The following GMPR2 variants were observed in gnomAD, a reference collection of about 807,000 sequenced individuals.
The protein encoded by GMPR2 is guanosine monophosphate reductase 2, also known as GMP reductase 2.
GMPR2 carries 32 observed loss-of-function variants against 38.5 expected under a neutral mutation model. The observed-to-expected ratio is 0.83, with a 90% CI of 0.63 to 1.12. The LOEUF is 1.12. Among genes scored for constraint, GMPR2 ranks in the 50% most tolerant of loss-of-function variants. The probability of loss-of-function intolerance (pLI) is 0.00; values close to 1 mark genes in which losing one functional copy is unlikely to be tolerated. For synonymous variants in GMPR2, 154 were observed against 151.0 expected (o/e 1.02, Z -0.15); for missense variants, 396 against 432.1 (o/e 0.92, Z 0.74).
intron 5 of GMPR2, 51 bp downstream of exon 5, chr14:24,236,191 C>G (rs368124308): frequency 1.5e-6 from 2 of 1,372,188 alleles, no homozygotes. Flanking sequence ...TTTCCTGCCA[C>G]TCCGTTTTGC....
chr14:24,237,494 T>C (rs2040404606), intron 7 of GMPR2, 26 bp from the exon 8 acceptor site: 6 of 1,612,148 alleles, frequency 3.7e-6, no homozygotes, highest in Non-Finnish European at 5.1e-6. Flanking sequence ...ATCCATGTTG[T>C]ATTCATAGTG....
chr14:24,238,178 C>T, intron 8 of GMPR2, 68 bp from the exon 9 acceptor site: 2 of 1,395,156 alleles, frequency 1.4e-6, no homozygotes, highest in Non-Finnish European at 2.0e-6. Flanking sequence ...GTGTGAGTTG[C>T]TTTTGAGGGT....
rs1036253608 is a variant in GMPR2 at position 24,233,270 on chromosome 14, A to G, written c.17A>G (p.Asn6Ser). Residue 6 changes from asparagine (N) to serine (S), a missense_variant, in exon 2 of 10, where the codon AAC (asparagine) becomes AGC (serine). Transcript: ENST00000399440. MPHID[N>S]DVKLDFKDVL... ...CTAAGCGCCATGCCTCATATTGACA[A>G]CGATGTGAAACTGGACTTCAAGGAT... The G allele has an allele frequency of 6.2e-7, 1 of 1,614,054 alleles. No individual in the cohort carries two copies. The highest frequency in any genetic ancestry group is 1.1e-5 in the South Asian group (1 of 91,066).
chr14:24,233,293 G>T lies in GMPR2; in HGVS notation c.40G>T (p.Asp14Tyr). The T allele has an allele frequency of 6.2e-7, 1 of 1,614,122 alleles. No homozygotes were observed. The part of the protein sequence containing the change: ...IDNDVKLDFK[D>Y]VLLRPKRSTL... ...CAACGATGTGAAACTGGACTTCAAG[G>T]ATGTCCTTTTGAGGCCCAAACGCAG... The change falls in exon 2 of 10, where the codon GAT (aspartate) becomes TAT (tyrosine). Residue 14 changes from aspartate to tyrosine, a missense_variant. Coordinates refer to ENST00000399440, the MANE Select transcript of GMPR2 (RefSeq NM_001002002.3).
intron 8 of GMPR2, 129 bp downstream of exon 8, chr14:24,237,691 C>T (rs145487932): frequency 2.1e-5 from 18 of 861,774 alleles, no homozygotes; most frequent in East Asian, 4.9e-5. Context: ...TTAGTGACTC[C>T]GAAGTCTATG....
In GMPR2 at chr14:24,233,209, T is replaced by C; in HGVS notation, c.-35-10T>C. On this transcript the variant is annotated splice_polypyrimidine_tract_variant and intron_variant, in intron 1 of 9. Coordinates refer to ENST00000399440, the MANE Select transcript of GMPR2 (RefSeq NM_001002002.3). ...GGGAAGATTGGTCCTTATGACTTCC[T>C]GCCTTCCAGCCCTCAGATTCATCGC... 3 of 1,613,292 alleles carry C rather than the reference T, an allele frequency of 1.9e-6. No homozygotes were observed. Among genetic ancestry groups the C allele is most frequent in the Non-Finnish European group, 2.5e-6 (3 of 1,180,014 alleles).
rs777290687 is a variant in GMPR2 at position 24,238,820 on chromosome 14, A to G, written c.*42A>G. 1.3e-6 allele frequency: 2 copies of G among 1,564,124 alleles called. No homozygotes were observed. The highest frequency in any genetic ancestry group is 1.7e-5 in the Admixed American group (1 of 59,772). ...CCTCCCAAGGCACCAGTACTCTACCATGGGGCATCCCAAGTGGGGTCCTCA... is the reference window on the plus strand; with the variant it reads ...CCTCCCAAGGCACCAGTACTCTACCGTGGGGCATCCCAAGTGGGGTCCTCA... On this transcript the variant is annotated 3_prime_UTR_variant, in exon 10 of 10. Transcript: ENST00000399440.
In GMPR2 at chr14:24,233,314, C is replaced by G. The variant is rs200373853; in HGVS notation, c.61C>G (p.Arg21Gly). 3 of 1,613,976 alleles carry G rather than the reference C, an allele frequency of 1.9e-6. No homozygotes were observed. The highest frequency in any genetic ancestry group is 2.5e-6 in the Non-Finnish European group (3 of 1,180,002). The change falls in exon 2 of 10, where the codon CGC (arginine) becomes GGC (glycine). Residue 21 changes from arginine to glycine, a missense_variant. By Grantham distance (125) the Arg-to-Gly change is moderately radical. Transcript: ENST00000399440. ...DFKDVLLRPK[R>G]STLKSRSEVD... ...CAAGGATGTCCTTTTGAGGCCCAAA[C>G]GCAGTACCCTTAAGTCTCGAAGTGA...
At chr14:24,235,422 C>T in intron 3 of GMPR2, 1 of 380,660 alleles carries the variant, frequency 2.6e-6, no homozygotes, top group Non-Finnish European at 4.8e-6. Context: ...TTCATGTCTG[C>T]TGCCTGTCCC....
chr14:24,234,191 A>G (rs1212610965), intron 3 of GMPR2: 1 of 1,289,204 alleles, frequency 7.8e-7, no homozygotes, highest in East Asian at 5.5e-5. Flanking sequence ...GAAATGGAAG[A>G]TGCTGCTCCT....
chr14:24,236,846 A>G (rs2040368523), intron 5 of GMPR2: 2 of 494,300 alleles, frequency 4.0e-6, no homozygotes, highest in Admixed American at 6.6e-5. Flanking sequence ...TTCAGTGGTG[A>G]CATTGGCCAC....
At chr14:24,234,697 G>A (rs2040252729) in intron 3 of GMPR2, among the ~76,000 whole-genome samples, 2 of 152,338 alleles carry the variant, frequency 1.3e-5, no homozygotes, top group South Asian at 4.1e-4. Context: ...TTGGATGCAA[G>A]CAAACATCTT....
In GMPR2 at chr14:24,237,237, C is replaced by A. The variant is rs149724856; in HGVS notation, c.548-8C>A. 2 of 1,591,688 alleles carry A rather than the reference C, an allele frequency of 1.3e-6. No individual in the cohort carries two copies. The highest frequency in any genetic ancestry group is 4.5e-5 in the East Asian group (2 of 44,782). ...ACGTCATTCTTACCCTTATCATGTT[C>A]TTCCTAGGCTCTGTGTGTACTACTC... is the stretch of plus-strand genomic sequence containing the variant. On this transcript the variant is annotated splice_region_variant and splice_polypyrimidine_tract_variant and intron_variant, in intron 6 of 9. Coordinates refer to ENST00000399440, the MANE Select transcript of GMPR2 (RefSeq NM_001002002.3).
chr14:24,238,362 G>A lies in GMPR2; in HGVS notation c.814G>A (p.Glu272Lys), dbSNP rs768695452. The change falls in exon 9 of 10, where the codon GAA (glutamate) becomes AAA (lysine). Residue 272 changes from glutamate (E) to lysine (K), a missense_variant. Physicochemically the swap from Glu to Lys is moderately conservative, Grantham distance 56. Transcript: ENST00000399440. ...KYKLFYGMSS[E>K]MAMKKYAGGV... is the part of the protein sequence containing the mutation. ...CAAGCTCTTCTATGGAATGAGTTCT[G>A]AAATGGCCATGAAGAAGTATGCTGG... is the stretch of plus-strand genomic sequence containing the variant. The A allele has an allele frequency of 2.3e-5, 37 of 1,614,090 alleles. No individual in the cohort carries two copies. Among genetic ancestry groups the A allele is most frequent in the Non-Finnish European group, 2.9e-5 (34 of 1,180,034 alleles).
chr14:24,238,534 C>T, intron 9 of GMPR2, 55 bp from the exon 10 acceptor site: 1 of 1,613,942 alleles, frequency 6.2e-7, no homozygotes, highest in Non-Finnish European at 8.5e-7. Context: ...GTGGAAAAGT[C>T]CCTGGGCTTA....
chr14:24,232,960 A>G lies in GMPR2; in HGVS notation c.-53A>G. The G allele has an allele frequency of 3.7e-6, 2 of 546,990 alleles. No individual in the cohort carries two copies. The highest frequency in any genetic ancestry group is 6.6e-6 in the Non-Finnish European group (2 of 304,018). 33.9% of individuals were successfully genotyped at this position (546,990 alleles called of 1,614,324 possible). ...CCCCATTGCTCTTTGCAGGGGTAGA[A>G]GAAGGAAGTGTAGCGGGGTAAGGAA... On this transcript the variant is annotated 5_prime_UTR_variant, in exon 1 of 10. Transcript: ENST00000399440.
intron 8 of GMPR2, 162 bp from the exon 9 acceptor site, chr14:24,238,084 C>G: frequency 1.6e-6 from 1 of 629,212 alleles, no homozygotes; most frequent in Non-Finnish European, 2.8e-6. Flanking sequence ...GAGGCCAGGG[C>G]AGATCAGGCC....
rs919996927 is a variant in GMPR2, at chr14:24,233,151, G to A, written c.-35-68G>A. On this transcript the variant is annotated intron_variant, in intron 1 of 9. Transcript: ENST00000399440. ...ACCTTCCACAACTTAAGCGAAGAGA[G>A]GCCACCAGCCGTAACAGGGCGTTAA... 5 of 1,606,942 alleles carry A rather than the reference G, an allele frequency of 3.1e-6. No homozygotes were observed. In the African/African-American group the frequency reaches 6.7e-5, roughly 22 times the overall value.
chr14:24,236,156 A>G lies in GMPR2; in HGVS notation c.465+16A>G, dbSNP rs749840978. On this transcript the variant is annotated intron_variant, in intron 5 of 9. Coordinates refer to ENST00000399440, the MANE Select transcript of GMPR2 (RefSeq NM_001002002.3). ...CACCATCATGGTATGTTTCTATTAC[A>G]GTCGGTACCTTTTTATCTTTCCACT... 2 of 1,601,500 alleles carry G rather than the reference A, an allele frequency of 1.2e-6. No individual in the cohort carries two copies. Among genetic ancestry groups the G allele is most frequent in the Admixed American group, 1.7e-5 (1 of 59,448 alleles).
Sources: allele counts gnomAD v4.1 joint callset (sites outside exome capture counted in the v4.1 genomes callset), GRCh38; gene constraint gnomAD v4.1.1; transcripts MANE v1.5; gene names NCBI Gene and HGNC (gene_info 2026-07-23, HGNC 2026-07-21).